CBFA2T2: variants seen among roughly 807,000 people sequenced by gnomAD.
The protein encoded by CBFA2T2 is CBFA2/RUNX1 partner transcriptional co-repressor 2.
A neutral mutation model predicts 62.2 loss-of-function variants in CBFA2T2; 11 were observed. The ratio of observed to expected loss-of-function variants is 0.18; its 90% CI spans 0.11 to 0.29. The LOEUF is 0.29. CBFA2T2 is among the 10% of genes least tolerant of loss of function. The probability of loss-of-function intolerance (pLI) is 1.00; values close to 1 mark genes in which losing one functional copy is unlikely to be tolerated. For synonymous variants in CBFA2T2, 295 were observed against 287.5 expected (o/e 1.03, Z -0.27); for missense variants, 592 against 774.1 (o/e 0.76, Z 2.79).
intron 1 of CBFA2T2, among the ~76,000 whole-genome samples, chr20:33,504,284 A>T (rs570715957): frequency 6.6e-6 from 1 of 151,750 alleles, no homozygotes; most frequent in Admixed American, 6.6e-5. Flanking sequence ...CATTTTGATG[A>T]TTATGAATAA....
intron 1 of CBFA2T2, among the ~76,000 whole-genome samples, chr20:33,553,415 A>G (rs1012564237): frequency 4.6e-5 from 7 of 152,204 alleles, no homozygotes; most frequent in Admixed American, 3.3e-4. Context: ...TATTTTTAGT[A>G]GAGACATGGT....
intron 4 of CBFA2T2, 35 bp from the exon 5 acceptor site, chr20:33,623,080 G>A (rs1366472158): frequency 2.5e-6 from 4 of 1,611,120 alleles, no homozygotes; most frequent in South Asian, 2.2e-5. Flanking sequence ...CTTGTGTAGG[G>A]CCTAACACTG....
intron 1 of CBFA2T2, among the ~76,000 whole-genome samples, chr20:33,590,807 C>A (rs1038323901): frequency 6.6e-6 from 1 of 152,022 alleles, no homozygotes; most frequent in East Asian, 1.9e-4. Context: ...CCTTTCTTTG[C>A]GCTGGGGGAA....
At chr20:33,558,168 C>G (rs1024544461) in intron 1 of CBFA2T2, among the ~76,000 whole-genome samples, 55 of 150,620 alleles carry the variant, frequency 3.7e-4, no homozygotes, top group African/African-American at 1.3e-3. Context: ...CTGTCTCACT[C>G]TCGCTCAGGC....
chr20:33,636,438 T>G (rs1446314103), intron 8 of CBFA2T2, among the ~76,000 whole-genome samples: 1 of 152,182 alleles, frequency 6.6e-6, no homozygotes, highest in East Asian at 1.9e-4. Context: ...GTTAATTTGT[T>G]CATTTGATGG....
intron 1 of CBFA2T2, among the ~76,000 whole-genome samples, chr20:33,583,565 CT>C (rs1331197937): frequency 2.0e-5 from 3 of 151,956 alleles, no homozygotes; most frequent in Admixed American, 1.3e-4. Context: ...AAAAAATTAT[CT>C]TGTTTCCAAA....
At chr20:33,553,221 G>A (rs991828136) in intron 1 of CBFA2T2, among the ~76,000 whole-genome samples, 1 of 152,196 alleles carries the variant, frequency 6.6e-6, no homozygotes, top group Non-Finnish European at 1.5e-5. Context: ...ATAAATCAGA[G>A]TTTAGTTTAT....
chr20:33,618,296 C>T (rs1445773984), intron 3 of CBFA2T2, among the ~76,000 whole-genome samples: 1 of 151,600 alleles, frequency 6.6e-6, no homozygotes, highest in African/African-American at 2.4e-5. Context: ...TGTTATAGCT[C>T]TTTCTGGGGA....
At chr20:33,525,375 G>A (rs547104227) in intron 1 of CBFA2T2, among the ~76,000 whole-genome samples, 1 of 151,196 alleles carries the variant, frequency 6.6e-6, no homozygotes, top group Admixed American at 6.6e-5. Context: ...TAGTAGAGAT[G>A]GGGTTTCTCC....
At chr20:33,547,471 G>A (rs916842299) in intron 1 of CBFA2T2, among the ~76,000 whole-genome samples, 1 of 152,178 alleles carries the variant, frequency 6.6e-6, no homozygotes, top group African/African-American at 2.4e-5. Flanking sequence ...GGGAGGCTTA[G>A]GCAGGTGGAT....
intron 8 of CBFA2T2, among the ~76,000 whole-genome samples, chr20:33,634,909 A>G (rs1451179799): frequency 6.6e-6 from 1 of 152,194 alleles, no homozygotes; most frequent in African/African-American, 2.4e-5. Context: ...AATTAATAGT[A>G]GCTCTTCAGG....
chr20:33,523,062 G>C (rs1218629464), intron 1 of CBFA2T2, among the ~76,000 whole-genome samples: 3 of 152,122 alleles, frequency 2.0e-5, no homozygotes, highest in African/African-American at 7.2e-5. Context: ...TAGACAGGAA[G>C]GGGCAAATTT....
At chr20:33,548,973 C>T (rs1476949665) in intron 1 of CBFA2T2, among the ~76,000 whole-genome samples, 10 of 144,594 alleles carry the variant, frequency 6.9e-5, no homozygotes, top group Non-Finnish European at 1.3e-4. Flanking sequence ...TCTGTCCATC[C>T]GTCCATCCAT....
chr20:33,566,741 AAGG>A (rs1342297272), intron 1 of CBFA2T2, among the ~76,000 whole-genome samples: 2 of 152,208 alleles, frequency 1.3e-5, no homozygotes, highest in Non-Finnish European at 2.9e-5. Flanking sequence ...TCATGTTTGG[AAGG>A]AGCATAGTGG....
At chr20:33,522,522 A>G (rs2011758209) in intron 1 of CBFA2T2, among the ~76,000 whole-genome samples, 1 of 151,972 alleles carries the variant, frequency 6.6e-6, no homozygotes, top group Non-Finnish European at 1.5e-5. Context: ...GAGGCCAGGA[A>G]TTTGAGACCA....
chr20:33,593,760 C>T (rs1250219398), intron 1 of CBFA2T2, among the ~76,000 whole-genome samples: 1 of 144,956 alleles, frequency 6.9e-6, no homozygotes, highest in East Asian at 2.1e-4. Flanking sequence ...CATGTAATCT[C>T]TGTAAAAAGC....
intron 8 of CBFA2T2, among the ~76,000 whole-genome samples, chr20:33,635,393 A>C (rs1191265715): frequency 4.6e-5 from 7 of 152,180 alleles, no homozygotes; most frequent in Non-Finnish European, 1.0e-4. Context: ...CAACACAAGA[A>C]AGGAAGGAAA....
intron 3 of CBFA2T2, among the ~76,000 whole-genome samples, chr20:33,615,616 C>T (rs756220357): frequency 3.3e-5 from 5 of 152,044 alleles, no homozygotes; most frequent in Non-Finnish European, 7.4e-5. Flanking sequence ...GTGGACTTTA[C>T]CTATAAAACA....
intron 1 of CBFA2T2, among the ~76,000 whole-genome samples, chr20:33,494,156 C>T (rs1280686841): frequency 6.8e-6 from 1 of 146,312 alleles, no homozygotes; most frequent in Non-Finnish European, 1.5e-5. Context: ...GTTAGGATTA[C>T]AGGCGTGAGC....
Sources: allele counts gnomAD v4.1 joint callset (sites outside exome capture counted in the v4.1 genomes callset), GRCh38; gene constraint gnomAD v4.1.1; transcripts MANE v1.5; gene names NCBI Gene and HGNC (gene_info 2026-07-23, HGNC 2026-07-21).